Variants in CSNK1G1 observed in about 807,000 individuals in gnomAD.
CSNK1G1 encodes casein kinase 1 gamma 1, also known as casein kinase I isoform gamma-1.
In CSNK1G1, 22 loss-of-function variants were observed where a neutral mutation model predicts 59.6. The ratio of observed to expected loss-of-function variants is 0.37; its 90% CI spans 0.26 to 0.53. The LOEUF is 0.53. Ranked by LOEUF, CSNK1G1 falls within the 20% of genes least tolerant of loss-of-function variation. The pLI, the probability that CSNK1G1 is intolerant of heterozygous loss-of-function variation, is 0.89. For missense variants in CSNK1G1, 384 were observed against 519.5 expected (o/e 0.74, Z 2.54); for synonymous variants, 179 against 177.1 (o/e 1.01, Z -0.08).
At chr15:64,207,963 A>G (rs1217856415) in intron 6 of CSNK1G1, among the ~76,000 whole-genome samples, 1 of 152,246 alleles carries the variant, frequency 6.6e-6, no homozygotes, top group Non-Finnish European at 1.5e-5. Context: ...AGTTACCACC[A>G]GAGAGTGAGC....
At chr15:64,250,870 G>C (rs1892041834) in intron 4 of CSNK1G1, among the ~76,000 whole-genome samples, 1 of 152,178 alleles carries the variant, frequency 6.6e-6, no homozygotes, top group Non-Finnish European at 1.5e-5. Flanking sequence ...AGTGAAAATA[G>C]CTCTGAAAGA....
chr15:64,278,410 GTGTGTGTGTATA>G (rs1277746006), intron 2 of CSNK1G1, among the ~76,000 whole-genome samples: 99 of 114,964 alleles, frequency 8.6e-4, no homozygotes, highest in Middle Eastern at 4.2e-3. Flanking sequence ...GTGTGTGTGT[GTGTGTGTGTATA>G]TATATATATA....
intron 6 of CSNK1G1, among the ~76,000 whole-genome samples, chr15:64,209,614 A>G (rs2082226037): frequency 6.6e-6 from 1 of 152,228 alleles, no homozygotes; most frequent in Non-Finnish European, 1.5e-5. Flanking sequence ...TCCTTTGTCT[A>G]CATGGCTTGT....
chr15:64,225,277 G>A (rs1421367772), intron 4 of CSNK1G1, among the ~76,000 whole-genome samples: 1 of 151,944 alleles, frequency 6.6e-6, no homozygotes, highest in African/African-American at 2.4e-5. Context: ...AGGAGAATAG[G>A]GTCTGGAAAC....
intron 4 of CSNK1G1, 23 bp downstream of exon 4, chr15:64,251,489 T>A (rs758727988): frequency 6.4e-7 from 1 of 1,563,524 alleles, no homozygotes; most frequent in Non-Finnish European, 8.8e-7. Flanking sequence ...ACTAAGTAAG[T>A]GGAGAGAAAA....
chr15:64,202,503 A>G (rs2082121256), intron 10 of CSNK1G1, among the ~76,000 whole-genome samples: 3 of 150,898 alleles, frequency 2.0e-5, no homozygotes, highest in Admixed American at 2.0e-4. Flanking sequence ...CCTAACTTAT[A>G]GCTAGTTCCC....
At chr15:64,278,377 CGTGTGTGTGT>C (rs56064136) in intron 2 of CSNK1G1, among the ~76,000 whole-genome samples, 1,489 of 111,476 alleles carry the variant, frequency 0.013, 34 homozygotes, top group African/African-American at 0.039. Context: ...CATGTATGTG[CGTGTGTGTGT>C]GTGTGTGTGT....
intron 10 of CSNK1G1, chr15:64,194,233 G>A (rs2082009752): frequency 6.6e-6 from 1 of 152,176 alleles, no homozygotes; most frequent in African/African-American, 2.4e-5. Flanking sequence ...AGGTCACAAG[G>A]AGGCAGATTA....
At chr15:64,293,825 A>G (rs971977099) in intron 2 of CSNK1G1, among the ~76,000 whole-genome samples, 1 of 152,142 alleles carries the variant, frequency 6.6e-6, no homozygotes. Flanking sequence ...TTGATGATCT[A>G]GGGTGGAACA....
chr15:64,326,436 G>C (rs1896839496), intron 1 of CSNK1G1, among the ~76,000 whole-genome samples: 1 of 152,078 alleles, frequency 6.6e-6, no homozygotes, highest in African/African-American at 2.4e-5. Context: ...CCGAGGTCAG[G>C]AGTTCGAGAT....
intron 2 of CSNK1G1, among the ~76,000 whole-genome samples, chr15:64,271,337 G>A (rs189356968): frequency 3.3e-5 from 5 of 151,774 alleles, no homozygotes; most frequent in Non-Finnish European, 5.9e-5. Flanking sequence ...ACCGAGGCTG[G>A]ACTACAATGG....
intron 2 of CSNK1G1, among the ~76,000 whole-genome samples, chr15:64,281,363 G>A (rs1204408239): frequency 6.6e-6 from 1 of 152,138 alleles, no homozygotes; most frequent in African/African-American, 2.4e-5. Flanking sequence ...CCAAAACTTT[G>A]GAAGGGCGAG....
chr15:64,355,660 T>C (rs1030569937), intron 1 of CSNK1G1, among the ~76,000 whole-genome samples: 1 of 152,076 alleles, frequency 6.6e-6, no homozygotes, highest in Non-Finnish European at 1.5e-5. Context: ...TGCCCTCCTT[T>C]TGGCTCCCGG....
intron 2 of CSNK1G1, among the ~76,000 whole-genome samples, chr15:64,274,811 T>C (rs1157349250): frequency 2.0e-5 from 3 of 152,156 alleles, no homozygotes; most frequent in Non-Finnish European, 2.9e-5. Flanking sequence ...GCCATACTGA[T>C]AAAGGAACAT....
Position 64,176,543 on chromosome 15 carries a change from GAA to G in CSNK1G1, c.1214+3803_1214+3804del. The stretch of plus-strand genomic sequence containing the variant: ...TGGATCTCAGGGGTAAGGCAAAACA[GAA>G]AGAGTTGGTAGGAGCTCCAGGGTGG... On this transcript the variant is annotated intron_variant, in intron 11 of 11. Coordinates refer to ENST00000303052, the MANE Select transcript of CSNK1G1 (RefSeq NM_022048.5). This position sits in a 1 kb window ranked among gnomAD's most constrained non-coding sequence, Gnocchi z 5.2. Among the ~76,000 whole-genome samples, 1 of 152,326 alleles carries G rather than the reference GAA, an allele frequency of 6.6e-6. No individual in the cohort carries two copies. Among genetic ancestry groups the G allele is most frequent in the Non-Finnish European group, 1.5e-5 (1 of 68,036 alleles).
chr15:64,185,103 A>T (rs1393103707), intron 10 of CSNK1G1, among the ~76,000 whole-genome samples: 1 of 152,226 alleles, frequency 6.6e-6, no homozygotes, highest in African/African-American at 2.4e-5. Flanking sequence ...TTCCACACAT[A>T]AAAGATCTGT....
chr15:64,185,819 G>A (rs1032939750), intron 10 of CSNK1G1, among the ~76,000 whole-genome samples: 8 of 146,160 alleles, frequency 5.5e-5, no homozygotes, highest in East Asian at 2.0e-4. Context: ...CCAAGATCGC[G>A]CTACTGCACT....
chr15:64,302,042 T>A (rs893597758), intron 1 of CSNK1G1, among the ~76,000 whole-genome samples: 4 of 152,206 alleles, frequency 2.6e-5, no homozygotes, highest in Admixed American at 1.3e-4. Context: ...GGTAAAAAGC[T>A]GTCAGCTGAC....
intron 4 of CSNK1G1, among the ~76,000 whole-genome samples, chr15:64,239,814 A>C (rs1216215406): frequency 6.6e-6 from 1 of 152,228 alleles, no homozygotes. Context: ...AACCAAACAG[A>C]TTTCCCACAG....
Sources: allele counts gnomAD v4.1 joint callset (sites outside exome capture counted in the v4.1 genomes callset), GRCh38; gene constraint gnomAD v4.1.1; non-coding constraint Gnocchi (gnomAD v3.1); transcripts MANE v1.5; gene names NCBI Gene and HGNC (gene_info 2026-07-23, HGNC 2026-07-21).